The following ATG10 variants were observed in gnomAD, a reference collection of about 807,000 sequenced individuals.
The protein encoded by ATG10 is ubiquitin-like-conjugating enzyme ATG10.
A neutral mutation model predicts 32.1 loss-of-function variants in ATG10; 30 were observed. That is an observed-to-expected ratio of 0.94 (90% CI 0.70 to 1.27). ATG10 has a LOEUF of 1.27. ATG10 is among the 50% of genes most tolerant of loss of function. ATG10 has a pLI of 0.00. For synonymous variants in ATG10, 87 were observed against 91.5 expected, an observed-to-expected ratio of 0.95 and a Z score of 0.28; for missense variants, 233 against 262.3, an observed-to-expected ratio of 0.89 and a Z score of 0.77.
chr5:82,075,887 A>T (rs1764258916), intron 3 of ATG10, among the ~76,000 whole-genome samples: 1 of 152,164 alleles, frequency 6.6e-6, no homozygotes, highest in Admixed American at 6.5e-5. Flanking sequence ...GTGAGCTGAG[A>T]TCACACCACT....
intron 5 of ATG10, among the ~76,000 whole-genome samples, chr5:82,180,250 T>C (rs939036739): frequency 6.6e-6 from 1 of 152,190 alleles, no homozygotes; most frequent in Non-Finnish European, 1.5e-5. Context: ...AATATGGTTA[T>C]TCATCTCTCT....
intron 3 of ATG10, among the ~76,000 whole-genome samples, chr5:82,103,858 A>G (rs1378141742): frequency 6.6e-6 from 1 of 152,034 alleles, no homozygotes; most frequent in African/African-American, 2.4e-5. Context: ...CTCTCTTGAC[A>G]TTTTCAGTTA....
chr5:82,129,959 T>C (rs1766451826), intron 3 of ATG10, among the ~76,000 whole-genome samples: 1 of 152,130 alleles, frequency 6.6e-6, no homozygotes, highest in African/African-American at 2.4e-5. Flanking sequence ...GCCCCTTCCC[T>C]TAGGTCGTCT....
intron 3 of ATG10, among the ~76,000 whole-genome samples, chr5:82,133,158 T>G (rs1027904963): frequency 3.9e-5 from 6 of 152,206 alleles, no homozygotes; most frequent in Admixed American, 3.3e-4. Context: ...ATGGATAGAT[T>G]GCAAAAATTT....
At chr5:82,177,130 A>C (rs750988641) in intron 4 of ATG10, among the ~76,000 whole-genome samples, 6 of 152,140 alleles carry the variant, frequency 3.9e-5, no homozygotes, top group Non-Finnish European at 8.8e-5. Flanking sequence ...ATATTTATTG[A>C]GCTCTTATTG....
chr5:82,004,192 A>G (rs1761927849), intron 2 of ATG10, among the ~76,000 whole-genome samples: 1 of 152,188 alleles, frequency 6.6e-6, no homozygotes, highest in Non-Finnish European at 1.5e-5. Context: ...CCCCTAATGA[A>G]ATGAATTAGG....
chr5:82,130,896 C>T (rs182742613), intron 3 of ATG10, among the ~76,000 whole-genome samples: 18 of 152,220 alleles, frequency 1.2e-4, no homozygotes, highest in African/African-American at 4.1e-4. Context: ...AGAAAACATT[C>T]ACAGTCAATC....
intron 2 of ATG10, among the ~76,000 whole-genome samples, chr5:81,996,125 C>T (rs552432528): frequency 3.3e-5 from 5 of 152,256 alleles, no homozygotes; most frequent in African/African-American, 9.6e-5. Flanking sequence ...TTTTATTCTT[C>T]TTCCACTAAT....
chr5:82,131,795 G>A (rs1300184307), intron 3 of ATG10, among the ~76,000 whole-genome samples: 14 of 152,108 alleles, frequency 9.2e-5, no homozygotes, highest in Admixed American at 9.2e-4. Flanking sequence ...GCATGAGGCT[G>A]GGTAATTTAT....
At chr5:82,078,216 C>T (rs796416325) in intron 3 of ATG10, among the ~76,000 whole-genome samples, 6 of 152,180 alleles carry the variant, frequency 3.9e-5, no homozygotes, top group African/African-American at 1.4e-4. Flanking sequence ...CTTTCATATG[C>T]AGTAAAGGCT....
At chr5:82,172,131 A>G (rs929900703) in intron 4 of ATG10, among the ~76,000 whole-genome samples, 6 of 152,192 alleles carry the variant, frequency 3.9e-5, no homozygotes, top group African/African-American at 1.4e-4. Flanking sequence ...GAAGAAAATC[A>G]TGAAAGGGAA....
intron 5 of ATG10, among the ~76,000 whole-genome samples, chr5:82,207,805 A>C (rs1341222148): frequency 1.3e-5 from 2 of 152,190 alleles, no homozygotes; most frequent in African/African-American, 2.4e-5. Flanking sequence ...GTCACTAGTC[A>C]CATGTGACTG....
intron 4 of ATG10, 26 bp downstream of exon 4, chr5:82,164,563 T>TA: frequency 6.4e-7 from 1 of 1,570,956 alleles, no homozygotes; most frequent in Non-Finnish European, 8.7e-7. Flanking sequence ...AAGCTAAAAG[T>TA]AAATTTATAA....
At chr5:82,176,326 A>G (rs771663069) in intron 4 of ATG10, among the ~76,000 whole-genome samples, 8 of 152,186 alleles carry the variant, frequency 5.3e-5, no homozygotes, top group Non-Finnish European at 8.8e-5. Context: ...ACTTCAGTTC[A>G]GTCATGAACC....
chr5:82,202,964 C>T (rs1217313390), intron 5 of ATG10, among the ~76,000 whole-genome samples: 3 of 152,078 alleles, frequency 2.0e-5, no homozygotes, highest in East Asian at 1.9e-4. Context: ...TGTGGTGGCT[C>T]ATGCCTGTAA....
At chr5:82,193,062 G>T (rs1744720270) in intron 5 of ATG10, among the ~76,000 whole-genome samples, 2 of 152,132 alleles carry the variant, frequency 1.3e-5, no homozygotes. Flanking sequence ...ATGTCCCAAG[G>T]CTACAATGGC....
At chr5:82,109,950 T>TCCCCCCCCCCCCCCCC (rs5869105) in intron 3 of ATG10, among the ~76,000 whole-genome samples, 1 of 145,416 alleles carries the variant, frequency 6.9e-6, no homozygotes. Flanking sequence ...CTATCCCCCA[T>TCCCCCCCCCCCCCCCC]CCCCCCACCC....
At chr5:82,248,249 C>G (rs915460258) in intron 5 of ATG10, among the ~76,000 whole-genome samples, 3 of 152,208 alleles carry the variant, frequency 2.0e-5, no homozygotes, top group Admixed American at 6.5e-5. Flanking sequence ...CTTGCCTCAA[C>G]TGGGACTGCA....
chr5:82,052,236 T>G (rs1018653519), intron 2 of ATG10, among the ~76,000 whole-genome samples: 2 of 152,140 alleles, frequency 1.3e-5, no homozygotes, highest in Non-Finnish European at 2.9e-5. Context: ...GAGAAGATCT[T>G]GTTAAACTCA....
Sources: allele counts gnomAD v4.1 joint callset (sites outside exome capture counted in the v4.1 genomes callset), GRCh38; gene constraint gnomAD v4.1.1; transcripts MANE v1.5; gene names NCBI Gene and HGNC (gene_info 2026-07-23, HGNC 2026-07-21).